Variants in ROR2 observed in about 807,000 individuals in gnomAD.
ROR2 encodes the protein tyrosine-protein kinase transmembrane receptor ROR2.
ROR2 carries 33 observed loss-of-function variants against 74.9 expected under a neutral mutation model. That is an observed-to-expected ratio of 0.44 (90% CI 0.33 to 0.59). The LOEUF is 0.59. ROR2 is among the 20% of genes least tolerant of loss of function. The pLI is 0.02. For missense variants in ROR2, 1,216 were observed against 1,313.8 expected (o/e 0.93, Z 1.15); for synonymous variants, 586 against 558.7 (o/e 1.05, Z -0.69).
chr9:91,914,008 A>G (rs758799380), intron 1 of ROR2, among the ~76,000 whole-genome samples: 7 of 152,190 alleles, frequency 4.6e-5, no homozygotes, highest in Non-Finnish European at 8.8e-5. Context: ...TTACAAAATA[A>G]GATGGTAAAG....
chr9:91,741,801 A>G (rs1825257181), intron 4 of ROR2, among the ~76,000 whole-genome samples: 1 of 152,204 alleles, frequency 6.6e-6, no homozygotes, highest in African/African-American at 2.4e-5. Context: ...AAAACTCCCT[A>G]AGCATTGGGT....
intron 1 of ROR2, among the ~76,000 whole-genome samples, chr9:91,837,150 T>TTG (rs1554681447): frequency 2.1e-4 from 32 of 152,032 alleles, no homozygotes; most frequent in African/African-American, 7.5e-4. Flanking sequence ...TGTTTTTTTT[T>TTG]TTGTTGTTGT....
chr9:91,737,510 T>C lies in ROR2; in HGVS notation c.503A>G (p.Tyr168Cys), dbSNP rs751644349. The change falls in exon 5 of 9, where the codon TAC becomes TGC. Residue 168 changes from tyrosine (Y) to cysteine (C), a missense_variant. Coordinates refer to ENST00000375708, the MANE Select transcript of ROR2 (RefSeq NM_004560.4). ...AGGCTGGCAGAACCCATCCTCGTGG[T>C]AATCATCCCTGGTAAGAAACACACA... ...HSPNHNFQDD[Y>C]HEDGFCQPYR... 9 of 1,614,212 alleles carry C rather than the reference T, an allele frequency of 5.6e-6. No individual in the cohort carries two copies. In the South Asian group the frequency reaches 8.8e-5, roughly 16 times the overall value.
At chr9:91,810,400 G>T (rs576492982) in intron 1 of ROR2, among the ~76,000 whole-genome samples, 1 of 152,232 alleles carries the variant, frequency 6.6e-6, no homozygotes, top group South Asian at 2.1e-4. Context: ...AAGCACCTGC[G>T]GGATTGACGG....
intron 4 of ROR2, among the ~76,000 whole-genome samples, chr9:91,745,655 A>T (rs1825388626): frequency 6.6e-6 from 1 of 151,528 alleles, no homozygotes; most frequent in South Asian, 2.1e-4. Flanking sequence ...TGAACTCCTG[A>T]CCTCAGGTGA....
chr9:91,901,453 G>A (rs763792008), intron 1 of ROR2, among the ~76,000 whole-genome samples: 6 of 152,118 alleles, frequency 3.9e-5, no homozygotes, highest in Non-Finnish European at 8.8e-5. Flanking sequence ...TTTCCAACAG[G>A]AGAAAAGGCT....
intron 4 of ROR2, among the ~76,000 whole-genome samples, chr9:91,745,782 T>C (rs1237946087): frequency 6.6e-6 from 1 of 152,190 alleles, no homozygotes; most frequent in African/African-American, 2.4e-5. Flanking sequence ...CTGATGATTG[T>C]CTATTTAGTC....
intron 4 of ROR2, among the ~76,000 whole-genome samples, chr9:91,748,276 CA>C (rs528004025): frequency 3.5e-3 from 472 of 134,440 alleles, no homozygotes; most frequent in East Asian, 7.2e-3. Context: ...GACGCTGTCT[CA>C]AAAAAAAAAA....
intron 2 of ROR2, among the ~76,000 whole-genome samples, chr9:91,773,855 A>G (rs1235367046): frequency 6.6e-6 from 1 of 152,202 alleles, no homozygotes; most frequent in East Asian, 1.9e-4. Flanking sequence ...CTGTGCCCAG[A>G]TCAAGAGATG....
chr9:91,910,360 C>G lies in ROR2; in HGVS notation c.97+39507G>C, dbSNP rs73520851. ...GGCTTATTACTACTATTACTAGTAT[C>G]TCCACCCCCAAATATCTTTGAGACT... On this transcript the variant is annotated intron_variant, in intron 1 of 8. Transcript: ENST00000375708. 2.8e-3 allele frequency among the ~76,000 whole-genome samples: 427 copies of G among 152,276 alleles called. 1 individual carries two copies. The highest frequency in any genetic ancestry group is 9.8e-3 in the African/African-American group (409 of 41,560).
At chr9:91,894,972 A>G (rs954185085) in intron 1 of ROR2, among the ~76,000 whole-genome samples, 15 of 152,234 alleles carry the variant, frequency 9.9e-5, no homozygotes, top group Admixed American at 5.2e-4. Flanking sequence ...AAACCTGCAC[A>G]AGGATATTTA....
At chr9:91,886,881 G>A (rs552062800) in intron 1 of ROR2, 6 of 152,306 alleles carry the variant, frequency 3.9e-5, no homozygotes, top group Non-Finnish European at 7.4e-5. Flanking sequence ...GAGCCCGCAG[G>A]AGAGGATTCC....
intron 1 of ROR2, among the ~76,000 whole-genome samples, chr9:91,902,109 T>C (rs927521988): frequency 6.6e-6 from 1 of 152,128 alleles, no homozygotes; most frequent in African/African-American, 2.4e-5. Flanking sequence ...ATTTAGTAAC[T>C]CACAAGGGCT....
chr9:91,790,490 C>T (rs1826935325), intron 1 of ROR2, among the ~76,000 whole-genome samples: 1 of 148,044 alleles, frequency 6.8e-6, no homozygotes, highest in Admixed American at 6.9e-5. Flanking sequence ...AGCCTGGTGA[C>T]AGAGCGAGAC....
At chr9:91,872,782 G>C (rs1829838906) in intron 1 of ROR2, among the ~76,000 whole-genome samples, 1 of 152,172 alleles carries the variant, frequency 6.6e-6, no homozygotes, top group Admixed American at 6.5e-5. Flanking sequence ...CATGGCCGAA[G>C]TACCAACATC....
At chr9:91,925,864 T>C (rs1048856989) in intron 1 of ROR2, among the ~76,000 whole-genome samples, 7 of 152,172 alleles carry the variant, frequency 4.6e-5, no homozygotes, top group Admixed American at 6.5e-5. Flanking sequence ...ACCTCAGAGA[T>C]GGGGTTTCCT....
intron 1 of ROR2, among the ~76,000 whole-genome samples, chr9:91,866,193 C>T (rs1367200645): frequency 6.6e-6 from 1 of 152,064 alleles, no homozygotes; most frequent in Non-Finnish European, 1.5e-5. Context: ...AATCTCAGCT[C>T]ACTTCAACCT....
At chr9:91,783,874 T>G (rs1397810351) in intron 1 of ROR2, among the ~76,000 whole-genome samples, 1 of 152,146 alleles carries the variant, frequency 6.6e-6, no homozygotes, top group Non-Finnish European at 1.5e-5. Flanking sequence ...TCTGGATCTT[T>G]TCCTGCCTCC....
chr9:91,869,248 CAG>C lies in ROR2; in HGVS notation c.97+80617_97+80618del, dbSNP rs773826162. Reference sequence around the variant, plus strand: ...AATTTATTATACATTGTTCTGGAAACAGAGTCTCAATAAATTCCAGGCTGGTC... The same window carrying C: ...AATTTATTATACATTGTTCTGGAAACAGTCTCAATAAATTCCAGGCTGGTC... On this transcript the variant is annotated intron_variant, in intron 1 of 8. Coordinates refer to ENST00000375708, the MANE Select transcript of ROR2 (RefSeq NM_004560.4). Among the ~76,000 whole-genome samples, 6 of 152,202 alleles carry C rather than the reference CAG, an allele frequency of 3.9e-5. No individual in the cohort carries two copies. The South Asian group carries it at 1.0e-3, about 26-fold the overall frequency.
Sources: allele counts gnomAD v4.1 joint callset (sites outside exome capture counted in the v4.1 genomes callset), GRCh38; gene constraint gnomAD v4.1.1; transcripts MANE v1.5; gene names NCBI Gene and HGNC (gene_info 2026-07-23, HGNC 2026-07-21).